The following ESR1 variants were observed in gnomAD, a reference collection of about 807,000 sequenced individuals.
ESR1 encodes the protein estrogen receptor 1.
In ESR1, 12 loss-of-function variants were observed where a neutral mutation model predicts 52.7. The observed-to-expected ratio is 0.23, with a 90% CI of 0.15 to 0.37. ESR1 has a LOEUF of 0.37. ESR1 is among the 10% of genes least tolerant of loss of function. The pLI is 1.00. For synonymous variants in ESR1, 305 were observed against 316.8 expected (o/e 0.96, Z 0.39); for missense variants, 584 against 779.7 (o/e 0.75, Z 2.99).
intron 2 of ESR1, among the ~76,000 whole-genome samples, chr6:151,753,436 A>G (rs1431370981): frequency 1.3e-5 from 2 of 151,550 alleles, no homozygotes; most frequent in Admixed American, 6.6e-5. Context: ...TCCTGCCTCA[A>G]TCTCCTGAGT....
intron 2 of ESR1, among the ~76,000 whole-genome samples, chr6:151,866,486 C>G (rs545092299): frequency 2.3e-4 from 35 of 152,124 alleles, no homozygotes; most frequent in African/African-American, 8.2e-4. Flanking sequence ...TAGCCCCCCA[C>G]CCCCTGACAG....
chr6:151,821,846 T>C (rs1780605021), intron 1 of ESR1, among the ~76,000 whole-genome samples: 1 of 152,216 alleles, frequency 6.6e-6, no homozygotes, highest in Non-Finnish European at 1.5e-5. Context: ...CTGTTTACTA[T>C]TAAATTTTCC....
rs752333574 is a variant in ESR1 at position 151,657,935 on chromosome 6, TTA to T, written n.73+1174_73+1175del. ...CCAGAGTTGTTCACTCTTTTAAGCTTTATGTTTCAAAATATTTTTAAAATTTA... is the reference window on the plus strand; with the variant it reads ...CCAGAGTTGTTCACTCTTTTAAGCTTTGTTTCAAAATATTTTTAAAATTTA... On this transcript the variant is annotated intron_variant and non_coding_transcript_variant, in intron 1 of 2. Transcript: ENST00000473497. 3.2e-4 allele frequency among the ~76,000 whole-genome samples: 48 copies of T among 152,332 alleles called. 1 individual carries two copies. The highest frequency in any genetic ancestry group is 1.9e-3 in the Admixed American group (29 of 15,290).
chr6:151,945,240 CAA>C (rs1348775612), intron 4 of ESR1, among the ~76,000 whole-genome samples: 1 of 151,986 alleles, frequency 6.6e-6, no homozygotes, highest in South Asian at 2.1e-4. Flanking sequence ...ATAAACCACA[CAA>C]AAAAAGAGAA....
upstream of ESR1, among the ~76,000 whole-genome samples, chr6:151,803,502 C>G (rs913624271): frequency 1.1e-4 from 17 of 151,976 alleles, no homozygotes; most frequent in Non-Finnish European, 2.2e-4. Context: ...TAGGAAGGAT[C>G]GTTATGGGCA....
At chr6:152,023,271 A>T (rs937416982) in intron 5 of ESR1, among the ~76,000 whole-genome samples, 41 of 152,222 alleles carry the variant, frequency 2.7e-4, no homozygotes, top group African/African-American at 8.4e-4. Flanking sequence ...AGTTCTTGAT[A>T]GCAACAGCAT....
rs138073829 is a variant in ESR1, at chr6:152,116,091, G to A, written c.851-9175G>A. Among the ~76,000 whole-genome samples, 7 of 152,318 alleles carry A rather than the reference G, an allele frequency of 4.6e-5. No individual in the cohort carries two copies. The East Asian group carries it at 1.3e-3, about 29-fold the overall frequency. On this transcript the variant is annotated intron_variant, in intron 6 of 6. Coordinates refer to the ESR1 transcript ENST00000427531. Reference sequence around the variant, plus strand: ...ACATTAAAGGAGGGTATGAGGCAAAGGAGGTTTTCATCTCTGGTGTGGGTG... The same window carrying A: ...ACATTAAAGGAGGGTATGAGGCAAAAGAGGTTTTCATCTCTGGTGTGGGTG...
chr6:152,061,167 T>C lies in ESR1; in HGVS notation c.1369+43T>C. ...GATAACTCAATGCTGGATGAAATGT[T>C]TATTTGTAGTTTTCAACCAGATACG... On this transcript the variant is annotated intron_variant, in intron 6 of 7. Coordinates refer to ENST00000206249, the MANE Select transcript of ESR1 (RefSeq NM_000125.4). The surrounding 1 kb of genome is among the most constrained non-coding windows in gnomAD (Gnocchi z 4.3). 6.2e-7 allele frequency: 1 copy of C among 1,600,186 alleles called. No individual in the cohort carries two copies. Among genetic ancestry groups the C allele is most frequent in the Non-Finnish European group, 8.6e-7 (1 of 1,167,862 alleles).
intron 2 of ESR1, among the ~76,000 whole-genome samples, chr6:151,719,776 C>G (rs1375491986): frequency 6.6e-6 from 1 of 152,130 alleles, no homozygotes; most frequent in African/African-American, 2.4e-5. Context: ...AATTTTTCTT[C>G]CCTTTTCATT....
intron 1 of ESR1, among the ~76,000 whole-genome samples, chr6:151,691,109 C>A (rs1488780313): frequency 2.0e-5 from 3 of 152,186 alleles, no homozygotes; most frequent in African/African-American, 7.2e-5. Context: ...CCATAACTTA[C>A]GTGAGTTTGA....
chr6:152,001,270 T>G (rs1208995154), intron 4 of ESR1, among the ~76,000 whole-genome samples: 1 of 152,040 alleles, frequency 6.6e-6, no homozygotes, highest in East Asian at 1.9e-4. Flanking sequence ...GACAGCCACA[T>G]CTGGCCATCC....
chr6:151,925,566 C>A (rs1014718486), intron 3 of ESR1, among the ~76,000 whole-genome samples: 3 of 152,156 alleles, frequency 2.0e-5, no homozygotes, highest in African/African-American at 7.2e-5. Context: ...GAGACTGAAC[C>A]ATTGCACTCC....
intron 6 of ESR1, among the ~76,000 whole-genome samples, chr6:152,084,704 G>GAA (rs34421368): frequency 0.086 from 10,539 of 122,648 alleles, 734 homozygotes; most frequent in African/African-American, 0.21. Context: ...GCTTTTAATT[G>GAA]AAAAAAAAAA....
chr6:151,905,383 T>C (rs1056515371), intron 3 of ESR1, among the ~76,000 whole-genome samples: 5 of 152,182 alleles, frequency 3.3e-5, no homozygotes, highest in Non-Finnish European at 7.3e-5. Context: ...GAGGATACAA[T>C]ATCCGGACCA....
chr6:151,913,351 T>C (rs1348840666), intron 3 of ESR1, among the ~76,000 whole-genome samples: 7 of 152,202 alleles, frequency 4.6e-5, no homozygotes, highest in Non-Finnish European at 4.4e-5. Flanking sequence ...TGAATGGACC[T>C]CATTATGCTC....
intron 2 of ESR1, among the ~76,000 whole-genome samples, chr6:151,788,487 C>G (rs978613889): frequency 6.6e-6 from 1 of 151,978 alleles, no homozygotes; most frequent in African/African-American, 2.4e-5. Flanking sequence ...AATGGGAACA[C>G]TTATATAATG....
intron 2 of ESR1, among the ~76,000 whole-genome samples, chr6:151,711,861 A>G (rs749369463): frequency 1.3e-5 from 2 of 152,128 alleles, no homozygotes; most frequent in African/African-American, 2.4e-5. Flanking sequence ...ATTAGATCCC[A>G]TTCGTCAATT....
chr6:151,834,257 A>G (rs1272630963), intron 1 of ESR1, among the ~76,000 whole-genome samples: 1 of 152,232 alleles, frequency 6.6e-6, no homozygotes, highest in East Asian at 1.9e-4. Context: ...ACGTATGTTT[A>G]TTGCAGCATT....
chr6:152,011,911 C>T (rs765307792), intron 5 of ESR1, 117 bp downstream of exon 5: 10 of 1,176,514 alleles, frequency 8.5e-6, no homozygotes, highest in Non-Finnish European at 1.2e-5. Context: ...GGTATGTTTA[C>T]TTAACAAAAG....
Sources: allele counts gnomAD v4.1 joint callset (sites outside exome capture counted in the v4.1 genomes callset), GRCh38; gene constraint gnomAD v4.1.1; non-coding constraint Gnocchi (gnomAD v3.1); transcripts MANE v1.5; gene names NCBI Gene and HGNC (gene_info 2026-07-23, HGNC 2026-07-21).